MAN1C1: variants seen among roughly 807,000 people sequenced by gnomAD.
The protein encoded by MAN1C1 is mannosidase alpha class 1C member 1, also known as mannosyl-oligosaccharide 1,2-alpha-mannosidase IC.
Under a neutral mutation model 71.5 loss-of-function variants are expected in MAN1C1, and 49 were observed. That is an observed-to-expected ratio of 0.69 (90% CI 0.54 to 0.87). The LOEUF (loss-of-function observed/expected upper bound fraction) is 0.87. Ranked by LOEUF, MAN1C1 falls within the 40% of genes least tolerant of loss-of-function variation. MAN1C1 has a pLI of 0.00. For missense variants in MAN1C1, 743 were observed against 835.0 expected, an observed-to-expected ratio of 0.89 and a Z score of 1.36; for synonymous variants, 352 against 343.7, an observed-to-expected ratio of 1.02 and a Z score of -0.27.
rs541540828 is a variant in MAN1C1 at position 25,643,257 on chromosome 1, T to A, written c.540+24920T>A. ...TAATTAATTAATTAATTAATTAATT[T>A]ATTTACTTACCTTTGAAACAGAGTT... On this transcript the variant is annotated intron_variant, in intron 1 of 11. Coordinates refer to ENST00000374332, the MANE Select transcript of MAN1C1 (RefSeq NM_020379.4). 4.8e-3 allele frequency among the ~76,000 whole-genome samples: 703 copies of A among 146,642 alleles called. 4 individuals are homozygous for A. Among genetic ancestry groups the A allele is most frequent in the African/African-American group, 5.7e-3 (221 of 38,770 alleles).
chr1:25,659,576 G>T (rs955009648), intron 1 of MAN1C1, among the ~76,000 whole-genome samples: 1 of 152,154 alleles, frequency 6.6e-6, no homozygotes, highest in African/African-American at 2.4e-5. Context: ...AAAGTTACAT[G>T]TTGTACAAAC....
At chr1:25,697,450 G>A (rs868009978) in intron 2 of MAN1C1, among the ~76,000 whole-genome samples, 1 of 152,226 alleles carries the variant, frequency 6.6e-6, no homozygotes, top group African/African-American at 2.4e-5. Context: ...CCATTCAGCA[G>A]CTGATAGACG....
chr1:25,716,955 A>G (rs1010544206), intron 2 of MAN1C1, among the ~76,000 whole-genome samples: 2 of 152,076 alleles, frequency 1.3e-5, no homozygotes, highest in African/African-American at 4.8e-5. Flanking sequence ...TCCTTCACTC[A>G]TCAGGTTTTT....
intron 9 of MAN1C1, among the ~76,000 whole-genome samples, chr1:25,780,360 T>C (rs1278533589): frequency 6.6e-6 from 1 of 151,808 alleles, no homozygotes; most frequent in Non-Finnish European, 1.5e-5. Context: ...TCTGTGGGAG[T>C]AGGTGCATTC....
intron 8 of MAN1C1, among the ~76,000 whole-genome samples, chr1:25,773,990 A>T (rs2047587456): frequency 6.6e-6 from 1 of 152,186 alleles, no homozygotes; most frequent in Non-Finnish European, 1.5e-5. Context: ...CGGGCCACAC[A>T]TAAACCTCCT....
chr1:25,647,126 G>A (rs1353005701), intron 1 of MAN1C1, among the ~76,000 whole-genome samples: 2 of 152,212 alleles, frequency 1.3e-5, no homozygotes, highest in Admixed American at 1.3e-4. Context: ...CTCAGTGGAG[G>A]GTTGCTGGGA....
intron 1 of MAN1C1, among the ~76,000 whole-genome samples, chr1:25,676,760 A>G (rs1014420739): frequency 6.6e-6 from 1 of 152,186 alleles, no homozygotes; most frequent in Non-Finnish European, 1.5e-5. Context: ...CTTTGAATGT[A>G]GCAACTGTGG....
Position 25,758,583 on chromosome 1 carries a change from T to G in MAN1C1, c.930-9T>G, listed in dbSNP as rs1393704077. 1 of 1,613,846 alleles carries G rather than the reference T, an allele frequency of 6.2e-7. No homozygotes were observed. Among genetic ancestry groups the G allele is most frequent in the Admixed American group, 1.7e-5 (1 of 60,018 alleles). ...GGGGGGATGACGGGGGCTGCTTCTG[T>G]CTTTTCAGTGGGAACTGGGGCTGGG... On this transcript the variant is annotated splice_polypyrimidine_tract_variant and intron_variant, in intron 5 of 11. Transcript: ENST00000374332.
intron 2 of MAN1C1, among the ~76,000 whole-genome samples, chr1:25,734,764 G>A (rs1185970528): frequency 6.6e-6 from 1 of 152,154 alleles, no homozygotes; most frequent in African/African-American, 2.4e-5. Context: ...GTCTGTGTAG[G>A]CTTAAATCAA....
intron 1 of MAN1C1, among the ~76,000 whole-genome samples, chr1:25,656,783 GGAGAGAGATGGA>G (rs1031360036): frequency 4.6e-5 from 7 of 152,030 alleles, no homozygotes; most frequent in African/African-American, 9.7e-5. Context: ...GCCAAGGAGG[GGAGAGAGATGGA>G]GAGAGAGATG....
chr1:25,766,123 G>A (rs934751763), intron 7 of MAN1C1, among the ~76,000 whole-genome samples: 2 of 152,202 alleles, frequency 1.3e-5, no homozygotes, highest in Admixed American at 1.3e-4. Context: ...TTATAAGGGA[G>A]CCCCTGCCGG....
intron 1 of MAN1C1, among the ~76,000 whole-genome samples, chr1:25,626,077 G>T (rs572604556): frequency 1.3e-5 from 2 of 152,254 alleles, no homozygotes; most frequent in South Asian, 4.1e-4. Flanking sequence ...CTGTGTGTGG[G>T]CATATGTTTT....
chr1:25,682,357 T>C (rs1214671462), intron 1 of MAN1C1, among the ~76,000 whole-genome samples: 10 of 151,804 alleles, frequency 6.6e-5, no homozygotes, highest in African/African-American at 1.7e-4. Context: ...ATAGGCAGAG[T>C]CCAAAGAGAT....
rs1271056609 is a variant in MAN1C1, at chr1:25,775,393, C to T, written c.1258-2712C>T. ...TTCCATCTGCCACTCAGTGTGGGTC[C>T]TGCAGCCAGCCCACCAGCCCTGGGC... On this transcript the variant is annotated intron_variant, in intron 8 of 11. Coordinates refer to ENST00000374332, the MANE Select transcript of MAN1C1 (RefSeq NM_020379.4). The surrounding 1 kb of genome is among the most constrained non-coding windows in gnomAD (Gnocchi z 5.1). Among the ~76,000 whole-genome samples, 1 of 152,210 alleles carries T rather than the reference C, an allele frequency of 6.6e-6. No homozygotes were observed. The highest frequency in any genetic ancestry group is 1.5e-5 in the Non-Finnish European group (1 of 68,042).
chr1:25,702,600 A>G (rs2046461621), intron 2 of MAN1C1, among the ~76,000 whole-genome samples: 1 of 152,224 alleles, frequency 6.6e-6, no homozygotes, highest in Admixed American at 6.5e-5. Context: ...CTTTGGCACC[A>G]GGGGGCCTGG....
intron 2 of MAN1C1, among the ~76,000 whole-genome samples, chr1:25,745,214 C>A (rs1395689336): frequency 6.6e-6 from 1 of 152,208 alleles, no homozygotes; most frequent in Non-Finnish European, 1.5e-5. Context: ...ACTCCCAGGA[C>A]AGGTGCCTGA....
chr1:25,619,818 C>G (rs1258239794), intron 1 of MAN1C1, among the ~76,000 whole-genome samples: 1 of 152,242 alleles, frequency 6.6e-6, no homozygotes, highest in Non-Finnish European at 1.5e-5. Context: ...AAAGCTGCTT[C>G]TGAGCACAGT....
intron 7 of MAN1C1, among the ~76,000 whole-genome samples, chr1:25,767,551 A>ATACATT (rs1177759959): frequency 3.5e-5 from 4 of 114,906 alleles, no homozygotes; most frequent in African/African-American, 7.0e-5. Context: ...CTCCCCTCAC[A>ATACATT]CACACTCCCC....
rs528177784 is a variant in MAN1C1, at chr1:25,649,909, G to A, written c.540+31572G>A. ...TGTCTCAGCCTCCCAAAAGTGCTGG[G>A]ATACAGGAGTGAGCCACCGTGCCCG... On this transcript the variant is annotated intron_variant, in intron 1 of 11. Transcript: ENST00000374332. Among the ~76,000 whole-genome samples, 29 of 152,302 alleles carry A rather than the reference G, an allele frequency of 1.9e-4. 1 individual carries two copies. The South Asian group carries it at 6.0e-3, about 32-fold the overall frequency.
Sources: gnomAD v4.1 joint callset for allele counts (sites outside exome capture counted in the v4.1 genomes callset) on GRCh38, gnomAD v4.1.1 for gene constraint, Gnocchi (gnomAD v3.1) non-coding constraint, MANE v1.5 for transcripts, NCBI Gene and HGNC (gene_info 2026-07-23, HGNC 2026-07-21) for gene names.